Variants in NKAIN2 observed in about 807,000 individuals in gnomAD.
The protein encoded by NKAIN2 is sodium/potassium-transporting ATPase subunit beta-1-interacting protein 2.
Under a neutral mutation model 32.6 loss-of-function variants are expected in NKAIN2, and 14 were observed. The ratio of observed to expected loss-of-function variants is 0.43; its 90% CI spans 0.28 to 0.67. The LOEUF (loss-of-function observed/expected upper bound fraction) is 0.67, where lower values mean the gene tolerates loss of function less well. Ranked by LOEUF, NKAIN2 falls within the 30% of genes least tolerant of loss-of-function variation. The probability of loss-of-function intolerance (pLI) is 0.17; values close to 1 mark genes in which losing one functional copy is unlikely to be tolerated. For missense variants in NKAIN2, 198 were observed against 258.3 expected (o/e 0.77, Z 1.60); for synonymous variants, 80 against 87.2 (o/e 0.92, Z 0.46).
chr6:124,144,747 A>G (rs1268740133), intron 1 of NKAIN2, among the ~76,000 whole-genome samples: 13 of 152,200 alleles, frequency 8.5e-5, no homozygotes. Flanking sequence ...GCTTGGCACT[A>G]AAAGCATAAT....
chr6:124,774,488 T>C (rs889055898), intron 4 of NKAIN2, among the ~76,000 whole-genome samples: 1 of 152,106 alleles, frequency 6.6e-6, no homozygotes, highest in Non-Finnish European at 1.5e-5. Flanking sequence ...ATAGTAAGTT[T>C]GAAATGTCTA....
chr6:123,972,964 A>G (rs1378450133), intron 1 of NKAIN2, among the ~76,000 whole-genome samples: 3 of 152,122 alleles, frequency 2.0e-5, no homozygotes, highest in African/African-American at 7.2e-5. Flanking sequence ...TAAACCAGAA[A>G]GTTAATACTA....
chr6:124,318,572 T>G (rs1010808391), intron 2 of NKAIN2, among the ~76,000 whole-genome samples: 1 of 152,046 alleles, frequency 6.6e-6, no homozygotes, highest in Non-Finnish European at 1.5e-5. Context: ...AAAAAAAATT[T>G]TCCCTGTACT....
intron 3 of NKAIN2, among the ~76,000 whole-genome samples, chr6:124,392,480 G>C (rs1324133155): frequency 6.6e-6 from 1 of 152,078 alleles, no homozygotes; most frequent in Non-Finnish European, 1.5e-5. Context: ...ATTAATTCTA[G>C]AAATATCAGA....
intron 1 of NKAIN2, among the ~76,000 whole-genome samples, chr6:123,949,124 C>T (rs1777210839): frequency 6.6e-6 from 1 of 151,866 alleles, no homozygotes. Flanking sequence ...GTCTATATGC[C>T]TGTTTTTATA....
chr6:124,551,519 C>T (rs1780285534), intron 3 of NKAIN2, among the ~76,000 whole-genome samples: 1 of 152,076 alleles, frequency 6.6e-6, no homozygotes, highest in Admixed American at 6.6e-5. Context: ...CCCAATATTT[C>T]AAGACCACTT....
chr6:124,415,145 C>T (rs1774403857), intron 3 of NKAIN2, among the ~76,000 whole-genome samples: 1 of 152,190 alleles, frequency 6.6e-6, no homozygotes, highest in Admixed American at 6.5e-5. Flanking sequence ...ACACTATCCA[C>T]CTGCAGATAG....
At chr6:124,088,486 G>A (rs1784287622) in intron 1 of NKAIN2, among the ~76,000 whole-genome samples, 1 of 151,950 alleles carries the variant, frequency 6.6e-6, no homozygotes, top group African/African-American at 2.4e-5. Flanking sequence ...TCTTAGAGGT[G>A]TCTTTATCAG....
intron 1 of NKAIN2, among the ~76,000 whole-genome samples, chr6:123,942,331 T>G (rs1005761061): frequency 6.6e-6 from 1 of 150,812 alleles, no homozygotes; most frequent in African/African-American, 2.4e-5. Flanking sequence ...AATAAAAGAG[T>G]TAAAGAGTTA....
chr6:124,149,783 C>T (rs756835154), intron 1 of NKAIN2, among the ~76,000 whole-genome samples: 7 of 152,040 alleles, frequency 4.6e-5, no homozygotes, highest in Admixed American at 6.6e-5. Context: ...GGCTGATGGA[C>T]GAAATGAGTA....
At chr6:124,121,944 G>A in intron 1 of NKAIN2, 1 of 1,131,268 alleles carries the variant, frequency 8.8e-7, no homozygotes, top group South Asian at 1.3e-5. Flanking sequence ...TCTTAACCGT[G>A]AGTTTTTCAG....
chr6:123,887,795 T>TATCA (rs1280750772), intron 1 of NKAIN2, among the ~76,000 whole-genome samples: 1 of 152,168 alleles, frequency 6.6e-6, no homozygotes, highest in African/African-American at 2.4e-5. Flanking sequence ...CCCTATTATC[T>TATCA]ATCATTTCCT....
intron 2 of NKAIN2, 111 bp downstream of exon 2, chr6:124,283,253 C>T (rs1795387942): frequency 1.5e-6 from 1 of 686,150 alleles, no homozygotes; most frequent in Non-Finnish European, 2.5e-6. Flanking sequence ...TGTGGATACT[C>T]TCTTTTAAGT....
chr6:124,184,855 T>A (rs1369896920), intron 1 of NKAIN2, among the ~76,000 whole-genome samples: 2 of 152,100 alleles, frequency 1.3e-5, no homozygotes, highest in Admixed American at 1.3e-4. Flanking sequence ...TCAGCAACTG[T>A]TAACCATGGA....
At position 124,258,291 on chromosome 6, in the gene NKAIN2, A is replaced by T. The variant is rs558244039; in HGVS notation, c.55-24714A>T. ...CTCTGTAGATTTGTATATTTGCATTATTTAGTTGTTTCCAGTGTGCCCTGT... is the reference window on the plus strand; with the variant it reads ...CTCTGTAGATTTGTATATTTGCATTTTTTAGTTGTTTCCAGTGTGCCCTGT... On this transcript the variant is annotated intron_variant, in intron 1 of 6. Coordinates refer to ENST00000368417, the MANE Select transcript of NKAIN2 (RefSeq NM_001040214.3). Among the ~76,000 whole-genome samples, 107 of 152,266 alleles carry T rather than the reference A, an allele frequency of 7.0e-4. 1 individual carries two copies. The highest frequency in any genetic ancestry group is 3.8e-4 in the Non-Finnish European group (26 of 68,020).
At chr6:124,570,791 T>G (rs1302960065) in intron 3 of NKAIN2, among the ~76,000 whole-genome samples, 1 of 152,190 alleles carries the variant, frequency 6.6e-6, no homozygotes, top group Admixed American at 6.5e-5. Context: ...ACTTGGGCAC[T>G]GTCTATTGGA....
chr6:124,536,141 C>T (rs1177041730), intron 3 of NKAIN2, among the ~76,000 whole-genome samples: 4 of 152,098 alleles, frequency 2.6e-5, no homozygotes, highest in African/African-American at 9.7e-5. Context: ...CAAGTAATGA[C>T]TATTGAACAC....
At chr6:124,003,328 AT>A (rs2114717274) in intron 1 of NKAIN2, among the ~76,000 whole-genome samples, 1 of 152,234 alleles carries the variant, frequency 6.6e-6, no homozygotes, top group Admixed American at 6.5e-5. Flanking sequence ...CATCTTACAT[AT>A]TTTAATATTA....
intron 1 of NKAIN2, among the ~76,000 whole-genome samples, chr6:123,969,209 G>T (rs995541160): frequency 3.3e-5 from 5 of 152,146 alleles, no homozygotes; most frequent in African/African-American, 1.2e-4. Flanking sequence ...GACTACCACT[G>T]TATTACAAAA....
Sources: gnomAD v4.1 joint callset for allele counts (sites outside exome capture counted in the v4.1 genomes callset) on GRCh38, gnomAD v4.1.1 for gene constraint, MANE v1.5 for transcripts, NCBI Gene and HGNC (gene_info 2026-07-23, HGNC 2026-07-21) for gene names.